DDHD1: variants seen among roughly 807,000 people sequenced by gnomAD.
DDHD1 encodes DDHD domain containing 1.
In DDHD1, 49 loss-of-function variants were observed where a neutral mutation model predicts 96.4. That is an observed-to-expected ratio of 0.51 (90% CI 0.40 to 0.64). The LOEUF is 0.64. Among genes scored for constraint, DDHD1 ranks in the 30% least tolerant of loss-of-function variants. DDHD1 has a pLI of 0.00. For synonymous variants in DDHD1, 442 were observed against 446.5 expected, an observed-to-expected ratio of 0.99 and a Z score of 0.13; for missense variants, 1,106 against 1,161.2, an observed-to-expected ratio of 0.95 and a Z score of 0.69.
At chr14:53,088,104 C>G (rs1886136037) in intron 4 of DDHD1, among the ~76,000 whole-genome samples, 2 of 152,128 alleles carry the variant, frequency 1.3e-5, no homozygotes. Context: ...CACCTTTCCC[C>G]CAAGACTAAA....
chr14:53,050,600 T>G (rs1319369171), intron 12 of DDHD1, among the ~76,000 whole-genome samples: 1 of 152,130 alleles, frequency 6.6e-6, no homozygotes. Flanking sequence ...GAGTTTATGC[T>G]CTTTAGAAAA....
At chr14:53,114,745 AG>A (rs1228598566) in intron 1 of DDHD1, among the ~76,000 whole-genome samples, 1 of 152,246 alleles carries the variant, frequency 6.6e-6, no homozygotes, top group Non-Finnish European at 1.5e-5. Flanking sequence ...GATCAAAGGT[AG>A]ATAAATCCAC....
In DDHD1 at chr14:53,068,336, C is replaced by T. The variant is rs756040030; in HGVS notation, c.1503+4261G>A. On this transcript the variant is annotated intron_variant, in intron 6 of 12. Transcript: ENST00000673822. ...ACAGCTCACTGCAGCCTCGACCTCC[C>T]AGGCTCAAGCAGTCCTCCTCGGCCT... Among the ~76,000 whole-genome samples the T allele has an allele frequency of 4.6e-5, 7 of 150,926 alleles. No homozygotes were observed. In the Admixed American group the frequency reaches 4.6e-4, roughly 10 times the overall value.
chr14:53,130,278 C>T (rs1387876720), intron 1 of DDHD1, among the ~76,000 whole-genome samples: 5 of 152,288 alleles, frequency 3.3e-5, no homozygotes, highest in East Asian at 3.9e-4. Context: ...GTGCTAAAGG[C>T]ATAATCAAGG....
intron 1 of DDHD1, among the ~76,000 whole-genome samples, chr14:53,140,161 AAAATT>A: frequency 6.6e-6 from 1 of 152,338 alleles, no homozygotes; most frequent in East Asian, 1.9e-4. Flanking sequence ...GAGTGGGGGA[AAAATT>A]AAACAGAATA....
chr14:53,107,670 A>G (rs1483353751), intron 1 of DDHD1, among the ~76,000 whole-genome samples: 3 of 152,214 alleles, frequency 2.0e-5, no homozygotes, highest in Non-Finnish European at 4.4e-5. Context: ...ACACACCTAT[A>G]GTCCCAGCTA....
chr14:53,065,059 A>G (rs1282013260), intron 6 of DDHD1, among the ~76,000 whole-genome samples: 4 of 152,162 alleles, frequency 2.6e-5, no homozygotes, highest in Admixed American at 2.0e-4. Context: ...TTTATTATCT[A>G]TTAGGTCTAC....
intron 1 of DDHD1, among the ~76,000 whole-genome samples, chr14:53,137,589 C>A (rs369313959): frequency 6.7e-6 from 1 of 150,058 alleles, no homozygotes; most frequent in Non-Finnish European, 1.5e-5. Flanking sequence ...GAGACTCTTT[C>A]TCAAAAAATA....
intron 4 of DDHD1, among the ~76,000 whole-genome samples, chr14:53,077,933 C>T (rs1326043325): frequency 1.3e-5 from 2 of 152,130 alleles, no homozygotes; most frequent in African/African-American, 4.8e-5. Flanking sequence ...TTTCAAGTCT[C>T]ATCCATGTTG....
At chr14:53,054,767 A>G (rs993304625) in intron 10 of DDHD1, 138 bp from the exon 11 acceptor site, 14 of 685,684 alleles carry the variant, frequency 2.0e-5, no homozygotes, top group Non-Finnish European at 4.7e-6. Context: ...ACATAAGAAA[A>G]TTATAATTTA....
At chr14:53,116,093 C>T (rs1171659596) in intron 1 of DDHD1, among the ~76,000 whole-genome samples, 1 of 152,130 alleles carries the variant, frequency 6.6e-6, no homozygotes, top group Non-Finnish European at 1.5e-5. Flanking sequence ...TCTAATAAAA[C>T]AGACTTTACC....
rs112387622 is a variant in DDHD1, at chr14:53,084,831, C to T, written c.1289+6954G>A. 4.1e-3 allele frequency among the ~76,000 whole-genome samples: 625 copies of T among 152,294 alleles called. 2 individuals are homozygous for T. Among genetic ancestry groups the T allele is most frequent in the Middle Eastern group, 0.01 (3 of 294 alleles). On this transcript the variant is annotated intron_variant, in intron 4 of 12. Transcript: ENST00000673822. ...CGAAGCAGGGTGGGGCATTGCCTCACCCAGGAGGCGCAAGGGGTCTGGGGA... is the reference window on the plus strand; with the variant it reads ...CGAAGCAGGGTGGGGCATTGCCTCATCCAGGAGGCGCAAGGGGTCTGGGGA...
chr14:53,106,137 TTTAG>T (rs1415276860), intron 1 of DDHD1, among the ~76,000 whole-genome samples: 1 of 152,214 alleles, frequency 6.6e-6, no homozygotes, highest in Non-Finnish European at 1.5e-5. Context: ...CCCACTTATT[TTTAG>T]TTTTATTCTT....
chr14:53,095,538 A>C (rs1886818510), intron 2 of DDHD1, among the ~76,000 whole-genome samples: 1 of 152,194 alleles, frequency 6.6e-6, no homozygotes, highest in African/African-American at 2.4e-5. Flanking sequence ...AAACCAATTT[A>C]TATTTTACTT....
At chr14:53,128,610 T>C (rs956697265) in intron 1 of DDHD1, among the ~76,000 whole-genome samples, 18 of 152,226 alleles carry the variant, frequency 1.2e-4, no homozygotes, top group African/African-American at 4.1e-4. Flanking sequence ...TTCAGTCCAC[T>C]GTAGGAGCAT....
At position 53,063,856 on chromosome 14, in the gene DDHD1, A is replaced by G. The variant is rs116397084; in HGVS notation, c.1504-651T>C. On this transcript the variant is annotated intron_variant, in intron 6 of 12. Transcript: ENST00000673822. ...AAGTTTAGAGGTTAATAATGTGGGGAGTATTTTCGTAATTTTTCTTTGTAA... is the reference window on the plus strand; with the variant it reads ...AAGTTTAGAGGTTAATAATGTGGGGGGTATTTTCGTAATTTTTCTTTGTAA... Among the ~76,000 whole-genome samples, 875 of 152,220 alleles carry G rather than the reference A, an allele frequency of 5.7e-3. 7 individuals are homozygous for G. Among genetic ancestry groups the G allele is most frequent in the African/African-American group, 0.02 (844 of 41,562 alleles).
At chr14:53,125,006 G>C (rs1889322760) in intron 1 of DDHD1, among the ~76,000 whole-genome samples, 2 of 152,072 alleles carry the variant, frequency 1.3e-5, no homozygotes, top group Admixed American at 1.3e-4. Flanking sequence ...TCGTGTCTCT[G>C]TGTGCCCAAA....
chr14:53,077,007 A>G (rs1885016085), intron 4 of DDHD1, among the ~76,000 whole-genome samples: 1 of 152,188 alleles, frequency 6.6e-6, no homozygotes, highest in Admixed American at 6.5e-5. Flanking sequence ...AGTGGTATGG[A>G]ACCAAACCCA....
chr14:53,051,085 T>C (rs1260099440), intron 12 of DDHD1, among the ~76,000 whole-genome samples: 3 of 150,440 alleles, frequency 2.0e-5, no homozygotes. Context: ...AAAAAATTTA[T>C]GAAAATTGGT....
Sources: allele counts gnomAD v4.1 joint callset (sites outside exome capture counted in the v4.1 genomes callset), GRCh38; gene constraint gnomAD v4.1.1; transcripts MANE v1.5; gene names NCBI Gene and HGNC (gene_info 2026-07-23, HGNC 2026-07-21).